The following RARB variants were observed in gnomAD, a reference collection of about 807,000 sequenced individuals.
The protein encoded by RARB is retinoic acid receptor beta.
RARB carries 17 observed loss-of-function variants against 51.9 expected under a neutral mutation model. That is an observed-to-expected ratio of 0.33 (90% CI 0.22 to 0.49). The LOEUF is 0.49. Ranked by LOEUF, RARB falls within the 20% of genes least tolerant of loss-of-function variation. RARB has a pLI of 0.99. For missense variants in RARB, 369 were observed against 550.8 expected (o/e 0.67, Z 3.30); for synonymous variants, 215 against 195.4 (o/e 1.10, Z -0.84).
At chr3:24,860,139 C>G (rs1309821049) in intron 2 of RARB, among the ~76,000 whole-genome samples, 1 of 151,988 alleles carries the variant, frequency 6.6e-6, no homozygotes, top group South Asian at 2.1e-4. Flanking sequence ...TGAACGGGGC[C>G]CATGTCAGAG....
intron 2 of RARB, among the ~76,000 whole-genome samples, chr3:24,947,062 G>C (rs1198200757): frequency 6.6e-6 from 1 of 152,172 alleles, no homozygotes; most frequent in African/African-American, 2.4e-5. Flanking sequence ...GAAGGATTGA[G>C]GCTGCTGAGT....
intron 2 of RARB, among the ~76,000 whole-genome samples, chr3:25,001,653 A>C (rs1452868763): frequency 2.0e-5 from 3 of 150,364 alleles, no homozygotes; most frequent in Admixed American, 2.0e-4. Flanking sequence ...TGTGCTGCTG[A>C]TAAGAAATCA....
At chr3:25,247,773 T>C (rs2125399930) in intron 5 of RARB, among the ~76,000 whole-genome samples, 1 of 152,372 alleles carries the variant, frequency 6.6e-6, no homozygotes, top group East Asian at 1.9e-4. Context: ...TTTGGCCATC[T>C]TGCCCGGGAA....
chr3:25,327,893 A>T (rs1450756420), intron 5 of RARB, among the ~76,000 whole-genome samples: 1 of 152,238 alleles, frequency 6.6e-6, no homozygotes, highest in African/African-American at 2.4e-5. Context: ...GTGTATAAGC[A>T]AGTTTAAAAA....
At chr3:25,349,112 G>A (rs1003362886) in intron 5 of RARB, among the ~76,000 whole-genome samples, 3 of 151,966 alleles carry the variant, frequency 2.0e-5, no homozygotes, top group Non-Finnish European at 4.4e-5. Flanking sequence ...CACACTATCC[G>A]TTACCCTTCC....
At chr3:25,230,165 A>G (rs1339622719) in intron 5 of RARB, among the ~76,000 whole-genome samples, 3 of 152,164 alleles carry the variant, frequency 2.0e-5, no homozygotes, top group Admixed American at 6.6e-5. Context: ...ATATAGAAAC[A>G]CATTCTAAAA....
intron 2 of RARB, among the ~76,000 whole-genome samples, chr3:24,904,646 G>T (rs569577503): frequency 1.8e-4 from 27 of 152,250 alleles, no homozygotes; most frequent in Admixed American, 6.5e-4. Context: ...ATTTGACCCA[G>T]GCATCCCATT....
At chr3:25,583,747 G>C (rs1701278047) in intron 5 of RARB, among the ~76,000 whole-genome samples, 1 of 152,216 alleles carries the variant, frequency 6.6e-6, no homozygotes, top group African/African-American at 2.4e-5. Context: ...CTTCCTTCAC[G>C]AGGTTGGGTC....
intron 2 of RARB, among the ~76,000 whole-genome samples, chr3:24,910,048 A>G (rs1286735842): frequency 1.3e-5 from 2 of 152,106 alleles, no homozygotes; most frequent in Middle Eastern, 3.2e-3. Context: ...GTATGTTACC[A>G]TTTTATTTAA....
intron 5 of RARB, among the ~76,000 whole-genome samples, chr3:25,305,125 G>C (rs1349534919): frequency 6.6e-6 from 1 of 152,098 alleles, no homozygotes; most frequent in African/African-American, 2.4e-5. Flanking sequence ...GCCTCTGGAC[G>C]TAGGATACAC....
intron 2 of RARB, among the ~76,000 whole-genome samples, chr3:24,913,404 T>C (rs73823035): frequency 0.053 from 7,000 of 131,074 alleles, 265 homozygotes; most frequent in African/African-American, 0.14. Context: ...CTCTCTCTCT[T>C]TTTTTTTTTT....
chr3:25,444,945 C>G (rs1708863024), intron 1 of RARB, among the ~76,000 whole-genome samples: 1 of 151,978 alleles, frequency 6.6e-6, no homozygotes, highest in Admixed American at 6.6e-5. Flanking sequence ...ATGAACACCT[C>G]TTTTCTTTTT....
At chr3:25,228,217 G>GTTTTTTTTTTTTTT (rs55796125) in intron 5 of RARB, among the ~76,000 whole-genome samples, 2 of 105,604 alleles carry the variant, frequency 1.9e-5, no homozygotes, top group African/African-American at 3.8e-5. Flanking sequence ...GACTTTGAGG[G>GTTTTTTTTTTTTTT]TTTTTTTTTT....
chr3:25,044,556 G>T (rs995778463), intron 2 of RARB, among the ~76,000 whole-genome samples: 4 of 152,144 alleles, frequency 2.6e-5, no homozygotes, highest in Admixed American at 2.6e-4. Flanking sequence ...TGGTGTTCAA[G>T]GTTCCATGTG....
intron 2 of RARB, among the ~76,000 whole-genome samples, chr3:24,915,403 A>G (rs1328655501): frequency 6.6e-6 from 1 of 152,220 alleles, no homozygotes; most frequent in Non-Finnish European, 1.5e-5. Flanking sequence ...CTTTAAAATT[A>G]GTGTGCATTT....
At chr3:25,444,039 T>C (rs1053803603) in intron 1 of RARB, among the ~76,000 whole-genome samples, 1 of 152,214 alleles carries the variant, frequency 6.6e-6, no homozygotes, top group African/African-American at 2.4e-5. Flanking sequence ...AAGTTGCGAT[T>C]GATTTTTATT....
intron 2 of RARB, among the ~76,000 whole-genome samples, chr3:25,490,903 G>A (rs1384949833): frequency 6.6e-6 from 1 of 152,156 alleles, no homozygotes; most frequent in African/African-American, 2.4e-5. Context: ...AAGAAAGCAT[G>A]TGGAGAAGAG....
intron 5 of RARB, among the ~76,000 whole-genome samples, chr3:25,283,884 A>G (rs1703584610): frequency 6.6e-6 from 1 of 152,078 alleles, no homozygotes; most frequent in Non-Finnish European, 1.5e-5. Context: ...AGTGATCCCC[A>G]CCTCCTGGCA....
chr3:25,109,921 T>C (rs536880319), intron 3 of RARB, among the ~76,000 whole-genome samples: 21 of 152,226 alleles, frequency 1.4e-4, no homozygotes, highest in African/African-American at 4.3e-4. Context: ...GCTCCTGTTA[T>C]AAGAATTCCA....
Sources: gnomAD v4.1 joint callset for allele counts (sites outside exome capture counted in the v4.1 genomes callset) on GRCh38, gnomAD v4.1.1 for gene constraint, MANE v1.5 for transcripts, NCBI Gene and HGNC (gene_info 2026-07-23, HGNC 2026-07-21) for gene names.